Variants in ADARB2 observed in about 807,000 individuals in gnomAD.
The protein encoded by ADARB2 is adenosine deaminase RNA specific B2 (inactive), also known as inactive double-stranded RNA-specific editase B2.
ADARB2 carries 25 observed loss-of-function variants against 62.2 expected under a neutral mutation model. The observed-to-expected ratio is 0.40, with a 90% CI of 0.29 to 0.56. ADARB2 has a LOEUF of 0.56. Ranked by LOEUF, ADARB2 falls within the 20% of genes least tolerant of loss-of-function variation. The pLI, the probability that ADARB2 is intolerant of heterozygous loss-of-function variation, is 0.43. For synonymous variants in ADARB2, 572 were observed against 500.8 expected (o/e 1.14, Z -1.90); for missense variants, 1,071 against 1,077.4 (o/e 0.99, Z 0.08).
rs962373037 is a variant in ADARB2 at position 1,602,580 on chromosome 10, T to C, written c.100+134471A>G. 2.0e-5 allele frequency among the ~76,000 whole-genome samples: 3 copies of C among 152,186 alleles called. No homozygotes were observed. The East Asian group carries it at 5.8e-4, about 29-fold the overall frequency. On this transcript the variant is annotated intron_variant, in intron 1 of 9. Transcript: ENST00000381312. ...AGCCAGGGAGAGGCTATCCTGGCTA[T>C]TTCCTCAAGAATGAACCTTGATGGT...
chr10:1,636,969 A>T, intron 1 of ADARB2, among the ~76,000 whole-genome samples: 1 of 151,134 alleles, frequency 6.6e-6, no homozygotes, highest in Admixed American at 6.6e-5. Flanking sequence ...CTTTTGGGTC[A>T]CCTTTGTTTA....
chr10:1,485,374 A>G (rs796394292), intron 1 of ADARB2, among the ~76,000 whole-genome samples: 4 of 152,236 alleles, frequency 2.6e-5, no homozygotes, highest in African/African-American at 9.6e-5. Flanking sequence ...TTGTAAGTGC[A>G]CTAATAGATA....
At chr10:1,232,125 A>G (rs1466274521) in intron 6 of ADARB2, among the ~76,000 whole-genome samples, 1 of 152,122 alleles carries the variant, frequency 6.6e-6, no homozygotes, top group Non-Finnish European at 1.5e-5. Flanking sequence ...TGGACTCCTC[A>G]TCATACACAT....
At chr10:1,454,216 G>A (rs1831071542) in intron 1 of ADARB2, among the ~76,000 whole-genome samples, 1 of 152,136 alleles carries the variant, frequency 6.6e-6, no homozygotes, top group Admixed American at 6.6e-5. Flanking sequence ...TCACTGTCAT[G>A]AGAACAGCAT....
chr10:1,482,266 T>A (rs562635213), intron 1 of ADARB2, among the ~76,000 whole-genome samples: 2 of 152,186 alleles, frequency 1.3e-5, no homozygotes, highest in African/African-American at 4.8e-5. Flanking sequence ...GGGGCTAGAA[T>A]GGATATTCAA....
chr10:1,293,574 T>C (rs895733075), intron 3 of ADARB2, among the ~76,000 whole-genome samples: 1 of 152,218 alleles, frequency 6.6e-6, no homozygotes, highest in East Asian at 1.9e-4. Flanking sequence ...GGACAAACTA[T>C]TATACCAGTG....
intron 3 of ADARB2, among the ~76,000 whole-genome samples, chr10:1,327,247 T>C (rs1399920900): frequency 7.1e-4 from 45 of 63,794 alleles, no homozygotes; most frequent in African/African-American, 8.9e-4. Flanking sequence ...CAGCACCTCC[T>C]CACTGCCCAG....
intron 1 of ADARB2, among the ~76,000 whole-genome samples, chr10:1,659,024 T>C (rs553021389): frequency 2.6e-5 from 4 of 152,212 alleles, no homozygotes; most frequent in African/African-American, 4.8e-5. Context: ...ACGGAGAGTA[T>C]GACATGTCAA....
chr10:1,553,090 C>A (rs1832651557), intron 1 of ADARB2, among the ~76,000 whole-genome samples: 1 of 148,594 alleles, frequency 6.7e-6, no homozygotes, highest in Non-Finnish European at 1.5e-5. Context: ...GCTGGGAGCA[C>A]CGCGTCCTCG....
intron 1 of ADARB2, among the ~76,000 whole-genome samples, chr10:1,626,691 A>T (rs1277391606): frequency 6.6e-6 from 1 of 152,164 alleles, no homozygotes; most frequent in Non-Finnish European, 1.5e-5. Flanking sequence ...TGCCAGGGCC[A>T]TGGGCAGAGG....
At chr10:1,681,798 G>T (rs1834540030) in intron 1 of ADARB2, among the ~76,000 whole-genome samples, 1 of 152,224 alleles carries the variant, frequency 6.6e-6, no homozygotes, top group Non-Finnish European at 1.5e-5. Flanking sequence ...CCGTCACCCA[G>T]TGAGGCCCGG....
chr10:1,567,230 G>A lies in ADARB2; in HGVS notation c.100+169821C>T, dbSNP rs575939617. On this transcript the variant is annotated intron_variant, in intron 1 of 9. Coordinates refer to ENST00000381312, the MANE Select transcript of ADARB2 (RefSeq NM_018702.4). ...CACACTGATGCCTGTGCATTTGGAA[G>A]ATTGGAGTCTGGTCTTTTGAAAACC... 3.9e-5 allele frequency among the ~76,000 whole-genome samples: 6 copies of A among 152,076 alleles called. No individual in the cohort carries two copies. In the South Asian group the frequency reaches 1.3e-3, roughly 32 times the overall value.
intron 3 of ADARB2, among the ~76,000 whole-genome samples, chr10:1,273,829 C>T (rs1165069758): frequency 1.3e-5 from 2 of 152,208 alleles, no homozygotes; most frequent in Non-Finnish European, 2.9e-5. Context: ...GGACCTCCCG[C>T]ATCTCCCAGG....
intron 8 of ADARB2, among the ~76,000 whole-genome samples, chr10:1,192,467 T>A (rs1310833074): frequency 6.6e-6 from 1 of 152,250 alleles, no homozygotes; most frequent in Non-Finnish European, 1.5e-5. Context: ...CTTCTAAGGC[T>A]GTATTAATGC....
At chr10:1,672,707 C>T (rs376082304) in intron 1 of ADARB2, among the ~76,000 whole-genome samples, 38 of 108,742 alleles carry the variant, frequency 3.5e-4, no homozygotes, top group African/African-American at 9.5e-4. Flanking sequence ...TTCCAGGCCC[C>T]CCGCCTGCCT....
At chr10:1,201,481 G>A (rs948177012) in intron 7 of ADARB2, among the ~76,000 whole-genome samples, 2 of 152,214 alleles carry the variant, frequency 1.3e-5, no homozygotes, top group African/African-American at 4.8e-5. Context: ...AGCAAGGGAA[G>A]GGCTGGCCAC....
At chr10:1,589,286 T>C (rs1351702608) in intron 1 of ADARB2, among the ~76,000 whole-genome samples, 1 of 152,202 alleles carries the variant, frequency 6.6e-6, no homozygotes, top group Admixed American at 6.5e-5. Context: ...GGAGAACGTA[T>C]GGTGGAAAGG....
chr10:1,209,504 T>TACACTGTCGCCCATGCCC (rs1837117912), intron 7 of ADARB2, among the ~76,000 whole-genome samples: 1 of 82,376 alleles, frequency 1.2e-5, no homozygotes, highest in African/African-American at 5.2e-5. Context: ...CGCCCATGCC[T>TACACTGTCGCCCATGCCC]ACACTGTCAC....
At chr10:1,345,093 TC>T (rs1589198789) in intron 3 of ADARB2, among the ~76,000 whole-genome samples, 1 of 150,990 alleles carries the variant, frequency 6.6e-6, no homozygotes, top group East Asian at 2.0e-4. Flanking sequence ...CGCCGCAGCC[TC>T]GGGTGTGAGC....
Sources: allele counts gnomAD v4.1 joint callset (sites outside exome capture counted in the v4.1 genomes callset), GRCh38; gene constraint gnomAD v4.1.1; transcripts MANE v1.5; gene names NCBI Gene and HGNC (gene_info 2026-07-23, HGNC 2026-07-21).